The following OXR1 variants were observed in gnomAD, a reference collection of about 807,000 sequenced individuals.
The protein encoded by OXR1 is oxidation resistance protein 1.
In OXR1, 41 loss-of-function variants were observed where a neutral mutation model predicts 104.6. The ratio of observed to expected loss-of-function variants is 0.39; its 90% CI spans 0.31 to 0.51. The LOEUF (loss-of-function observed/expected upper bound fraction) is 0.51, where lower values mean the gene tolerates loss of function less well. Among genes scored for constraint, OXR1 ranks in the 20% least tolerant of loss-of-function variants. The probability of loss-of-function intolerance (pLI) is 0.77; values close to 1 mark genes in which losing one functional copy is unlikely to be tolerated. For synonymous variants in OXR1, 348 were observed against 348.4 expected (o/e 1.00, Z 0.01); for missense variants, 955 against 1,031.9 (o/e 0.93, Z 1.02).
At chr8:106,381,278 G>C (rs1305933110) in intron 2 of OXR1, among the ~76,000 whole-genome samples, 2 of 152,190 alleles carry the variant, frequency 1.3e-5, no homozygotes, top group East Asian at 3.8e-4. Flanking sequence ...ACGTGTGAGA[G>C]AGGAATGGAA....
intron 1 of OXR1, among the ~76,000 whole-genome samples, chr8:106,322,736 A>G (rs1158657782): frequency 6.6e-6 from 1 of 152,196 alleles, no homozygotes; most frequent in Non-Finnish European, 1.5e-5. Context: ...TCCTTACACC[A>G]GCAACAGCCA....
intron 1 of OXR1, among the ~76,000 whole-genome samples, chr8:106,300,619 C>G (rs763771156): frequency 6.6e-6 from 1 of 152,056 alleles, no homozygotes; most frequent in Non-Finnish European, 1.5e-5. Flanking sequence ...TACAAATATT[C>G]GACCCAAGGC....
chr8:106,693,938 A>G (rs1829565877), intron 7 of OXR1, among the ~76,000 whole-genome samples: 1 of 152,308 alleles, frequency 6.6e-6, no homozygotes. Context: ...TTTGAAACAC[A>G]TAATAAGCAT....
intron 3 of OXR1, among the ~76,000 whole-genome samples, chr8:106,563,335 C>G (rs1192074350): frequency 6.6e-6 from 1 of 150,722 alleles, no homozygotes; most frequent in Admixed American, 6.6e-5. Flanking sequence ...GCAGGGGTTG[C>G]TATCCTAGTC....
chr8:106,335,402 C>T (rs1460202491), intron 1 of OXR1, among the ~76,000 whole-genome samples: 2 of 152,218 alleles, frequency 1.3e-5, no homozygotes, highest in Non-Finnish European at 2.9e-5. Context: ...TCAAGCTGAA[C>T]AGTGATATGG....
chr8:106,574,393 A>G (rs537708832), intron 3 of OXR1, among the ~76,000 whole-genome samples: 2 of 152,282 alleles, frequency 1.3e-5, no homozygotes, highest in Admixed American at 1.3e-4. Flanking sequence ...CAGTGGAAAA[A>G]AAGGGGGGAA....
In OXR1 at chr8:106,518,980, C is replaced by G; in HGVS notation, c.61C>G (p.Pro21Ala). The part of the protein sequence containing the change: ...KKSQSVDINA[P>A]GFNPLAGAGK... Reference sequence around the variant, plus strand: ...GTCCCAGTCGGTGGATATTAATGCTCCAGGGTTCAACCCTTTGGCTGGTGC... The same window carrying G: ...GTCCCAGTCGGTGGATATTAATGCTGCAGGGTTCAACCCTTTGGCTGGTGC... The change falls in exon 3 of 17, where the codon CCA becomes GCA. Residue 21 changes from proline (P) to alanine (A), a missense_variant. Transcript: ENST00000517566. The G allele has an allele frequency of 6.4e-7, 1 of 1,551,528 alleles. No homozygotes were observed. The highest frequency in any genetic ancestry group is 8.7e-7 in the Non-Finnish European group (1 of 1,146,864).
chr8:106,474,569 G>A (rs1821700254), intron 2 of OXR1, among the ~76,000 whole-genome samples: 1 of 151,618 alleles, frequency 6.6e-6, no homozygotes, highest in South Asian at 2.1e-4. Context: ...TGTGACACAT[G>A]AAAACTACAT....
At chr8:106,671,612 T>A (rs577118634) in intron 3 of OXR1, among the ~76,000 whole-genome samples, 2 of 152,042 alleles carry the variant, frequency 1.3e-5, no homozygotes, top group South Asian at 4.2e-4. Context: ...ATGTGGCACA[T>A]ATACACCGTG....
At chr8:106,360,324 CATTT>C (rs1816186341) in intron 2 of OXR1, among the ~76,000 whole-genome samples, 2 of 152,010 alleles carry the variant, frequency 1.3e-5, no homozygotes, top group Non-Finnish European at 2.9e-5. Flanking sequence ...GAGTAAGTGA[CATTT>C]ATATAAATTT....
chr8:106,302,235 A>G (rs138411789), intron 1 of OXR1, among the ~76,000 whole-genome samples: 17 of 152,270 alleles, frequency 1.1e-4, no homozygotes, highest in African/African-American at 4.1e-4. Flanking sequence ...TGTTTTCCCA[A>G]AATATTCAGT....
At chr8:106,716,058 C>A (rs941125859) in intron 11 of OXR1, among the ~76,000 whole-genome samples, 5 of 151,954 alleles carry the variant, frequency 3.3e-5, no homozygotes, top group Non-Finnish European at 7.4e-5. Context: ...AATTAAAAAC[C>A]GATACTTGGT....
chr8:106,414,890 T>C (rs1009583516), intron 2 of OXR1, among the ~76,000 whole-genome samples: 3 of 152,142 alleles, frequency 2.0e-5, no homozygotes, highest in Admixed American at 1.3e-4. Context: ...GGAGGAGCAA[T>C]ATGATTATAG....
intron 2 of OXR1, among the ~76,000 whole-genome samples, chr8:106,466,336 C>T (rs188507204): frequency 2.1e-4 from 31 of 150,082 alleles, no homozygotes; most frequent in African/African-American, 7.8e-4. Flanking sequence ...TGGATTATAC[C>T]ACCCAGAGTC....
At chr8:106,544,207 CTT>C (rs71307066) in intron 3 of OXR1, among the ~76,000 whole-genome samples, 28 of 135,490 alleles carry the variant, frequency 2.1e-4, no homozygotes, top group Non-Finnish European at 2.4e-4. Flanking sequence ...TTTTCTTTTT[CTT>C]TTTTTTTTTT....
chr8:106,737,582 A>T lies in OXR1; in HGVS notation c.2019A>T (p.Thr673=), dbSNP rs749975886. ...CTCTAAATACTGAAGAACTGCGCACACTCTGCAGACGCCTCCAGGTGCCCC... is the reference window on the plus strand; with the variant it reads ...CTCTAAATACTGAAGAACTGCGCACTCTCTGCAGACGCCTCCAGGTGCCCC... ...IDALNTEELR[T]LCRRLQITTR... is the part of the protein sequence containing the mutation. Residue 673 remains threonine (T), a synonymous_variant, in exon 12 of 17, where the codon ACA becomes ACT. Coordinates refer to ENST00000517566, the MANE Select transcript of OXR1 (RefSeq NM_001198533.2). 1 of 1,416,202 alleles carries T rather than the reference A, an allele frequency of 7.1e-7. No individual in the cohort carries two copies. The highest frequency in any genetic ancestry group is 2.6e-5 in the East Asian group (1 of 38,502). 87.7% of individuals were successfully genotyped at this position (1,416,202 alleles called of 1,614,324 possible).
chr8:106,715,030 C>T (rs1832094048), intron 11 of OXR1, among the ~76,000 whole-genome samples: 1 of 152,090 alleles, frequency 6.6e-6, no homozygotes, highest in Admixed American at 6.6e-5. Context: ...TATCAATCTT[C>T]ATACCAGCTT....
intron 1 of OXR1, among the ~76,000 whole-genome samples, chr8:106,289,917 C>G (rs1185462322): frequency 6.6e-6 from 1 of 152,070 alleles, no homozygotes; most frequent in East Asian, 1.9e-4. Flanking sequence ...AGGGACTTTC[C>G]CCTTTGACTG....
At chr8:106,561,972 A>G (rs1002771732) in intron 3 of OXR1, among the ~76,000 whole-genome samples, 1 of 152,224 alleles carries the variant, frequency 6.6e-6, no homozygotes, top group Non-Finnish European at 1.5e-5. Flanking sequence ...TCTAAAAGTT[A>G]CCAACATAAA....
Sources: gnomAD v4.1 joint callset for allele counts (sites outside exome capture counted in the v4.1 genomes callset) on GRCh38, gnomAD v4.1.1 for gene constraint, MANE v1.5 for transcripts, NCBI Gene and HGNC (gene_info 2026-07-23, HGNC 2026-07-21) for gene names.